LRRIQ3: variants seen among roughly 807,000 people sequenced by gnomAD.
LRRIQ3 encodes leucine-rich repeat and IQ domain-containing protein 3.
A neutral mutation model predicts 59.3 loss-of-function variants in LRRIQ3; 75 were observed. The observed-to-expected ratio is 1.26, with a 90% CI of 1.05 to 1.53. LRRIQ3 has a LOEUF of 1.53. Among genes scored for constraint, LRRIQ3 ranks in the 40% most tolerant of loss-of-function variants. LRRIQ3 has a pLI of 0.00. For missense variants in LRRIQ3, 831 were observed against 710.0 expected (o/e 1.17, Z -1.94); for synonymous variants, 250 against 231.3 (o/e 1.08, Z -0.73).
rs947914199 is a variant in LRRIQ3, at chr1:74,084,088, C to T, written c.868-9298G>A. On this transcript the variant is annotated intron_variant, in intron 5 of 7. Transcript: ENST00000354431. ...TGTGTACAGCTGATATCCCTAGTGT[C>T]CAATCAGAGACAAGTTTTCATCCTG... 1.2e-5 allele frequency: 16 copies of T among 1,317,470 alleles called. No individual in the cohort carries two copies. In the Middle Eastern group the frequency reaches 5.6e-4, roughly 46 times the overall value. 81.6% of individuals were successfully genotyped at this position (1,317,470 alleles called of 1,614,324 possible).
intron 6 of LRRIQ3, among the ~76,000 whole-genome samples, chr1:74,068,351 G>C (rs12731752): frequency 6.6e-6 from 1 of 151,890 alleles, no homozygotes; most frequent in African/African-American, 2.4e-5. Context: ...GGAACATATG[G>C]CCTCTAAGAT....
intron 4 of LRRIQ3, 28 bp downstream of exon 4, chr1:74,155,705 T>C (rs773829565): frequency 2.1e-5 from 32 of 1,538,982 alleles, no homozygotes; most frequent in Non-Finnish European, 2.8e-5. Flanking sequence ...TATTTCAATA[T>C]TCAAATGGTA....
chr1:74,120,618 T>C (rs1251508549), intron 4 of LRRIQ3, among the ~76,000 whole-genome samples: 1 of 152,012 alleles, frequency 6.6e-6, no homozygotes, highest in South Asian at 2.1e-4. Flanking sequence ...TATATAATAA[T>C]CTAATTTCTT....
intron 3 of LRRIQ3, among the ~76,000 whole-genome samples, chr1:74,159,061 C>G (rs148536311): frequency 1.1e-3 from 162 of 152,218 alleles, no homozygotes; most frequent in African/African-American, 3.8e-3. Context: ...TTTCTTCATT[C>G]CACTTCCCCA....
At chr1:74,132,848 G>T (rs1191452563) in intron 4 of LRRIQ3, among the ~76,000 whole-genome samples, 4 of 152,086 alleles carry the variant, frequency 2.6e-5, no homozygotes, top group Non-Finnish European at 5.9e-5. Flanking sequence ...GGCAACAAAA[G>T]CCAAAATTGA....
In LRRIQ3 at chr1:74,030,596, A is replaced by G. The variant is rs922597489; in HGVS notation, c.1719-3627T>C. On this transcript the variant is annotated intron_variant, in intron 7 of 7. Coordinates refer to ENST00000354431, the MANE Select transcript of LRRIQ3 (RefSeq NM_001105659.2). ...AAACTGGATCCCTTCCTTACACCTTATACAAAAATTAATTCAAGATGGATT... is the reference window on the plus strand; with the variant it reads ...AAACTGGATCCCTTCCTTACACCTTGTACAAAAATTAATTCAAGATGGATT... Among the ~76,000 whole-genome samples the G allele has an allele frequency of 1.6e-4, 24 of 152,332 alleles. 1 individual carries two copies. The highest frequency in any genetic ancestry group is 5.3e-4 in the African/African-American group (22 of 41,574).
intron 3 of LRRIQ3, among the ~76,000 whole-genome samples, chr1:74,177,029 A>G (rs1299038489): frequency 2.0e-5 from 3 of 152,156 alleles, no homozygotes; most frequent in Non-Finnish European, 4.4e-5. Flanking sequence ...TTATTTTCTA[A>G]AAGTTATCAG....
chr1:74,055,083 C>T (rs1037542562), intron 6 of LRRIQ3, among the ~76,000 whole-genome samples: 1 of 147,028 alleles, frequency 6.8e-6, no homozygotes, highest in Non-Finnish European at 1.5e-5. Flanking sequence ...TGGGTCTTTG[C>T]CACTTTTTAT....
intron 3 of LRRIQ3, among the ~76,000 whole-genome samples, chr1:74,178,950 C>A (rs1023475408): frequency 2.6e-5 from 4 of 152,026 alleles, no homozygotes; most frequent in African/African-American, 9.7e-5. Flanking sequence ...CTAAAGGTGG[C>A]AGAGCAGGAA....
chr1:74,117,031 G>T (rs752361351), intron 4 of LRRIQ3, among the ~76,000 whole-genome samples: 9 of 151,992 alleles, frequency 5.9e-5, no homozygotes, highest in Non-Finnish European at 8.8e-5. Flanking sequence ...ACAAAGAAAG[G>T]TATATTAAAT....
At chr1:74,135,034 C>T (rs988143103) in intron 4 of LRRIQ3, among the ~76,000 whole-genome samples, 9 of 151,826 alleles carry the variant, frequency 5.9e-5, no homozygotes, top group East Asian at 3.9e-4. Context: ...TTCAGAGATG[C>T]GAATCAGCCA....
Position 74,183,538 on chromosome 1 carries a change from G to T in LRRIQ3, c.147C>A (p.Cys49Ter). Residue 49 changes from cysteine (C) to a stop codon, truncating the protein, a stop_gained, in exon 2 of 8, where the codon TGC becomes TGA. Coordinates refer to ENST00000354431, the MANE Select transcript of LRRIQ3 (RefSeq NM_001105659.2). LOFTEE classifies it high-confidence loss of function. ...AGAAGATGCATACTCTAAGAGAGAT[G>T]CAAGACTGCAAATTTTCCATAGACT... is the stretch of plus-strand genomic sequence containing the variant. ...HLKSMENLQS[C>*]ISLRVCIFSN... 1 of 1,612,100 alleles carries T rather than the reference G, an allele frequency of 6.2e-7. No individual in the cohort carries two copies. The highest frequency in any genetic ancestry group is 8.5e-7 in the Non-Finnish European group (1 of 1,178,890).
intron 7 of LRRIQ3, among the ~76,000 whole-genome samples, chr1:74,031,669 A>G (rs1653722887): frequency 1.3e-5 from 2 of 151,828 alleles, no homozygotes; most frequent in African/African-American, 4.8e-5. Flanking sequence ...GTAAATGAGG[A>G]GTTACTGGGT....
At chr1:74,125,877 T>A (rs1646928279) in intron 4 of LRRIQ3, among the ~76,000 whole-genome samples, 1 of 151,850 alleles carries the variant, frequency 6.6e-6, no homozygotes, top group Non-Finnish European at 1.5e-5. Context: ...AGAATGAGAT[T>A]GGAAGTATTC....
chr1:74,074,752 T>A lies in LRRIQ3; in HGVS notation c.906A>T (p.Glu302Asp), dbSNP rs1367836788. ...AAATAGATGACACATGTTTTCTGTG[T>A]TCACTGGAATTTTTTAAATCAACAG... The part of the protein sequence containing the change: ...YYPVDLKNSS[E>D]HRKHVSSILC... The change falls in exon 6 of 8, where the codon GAA becomes GAT. Residue 302 changes from glutamate (E) to aspartate (D), a missense_variant. Physicochemically the swap from Glu to Asp is conservative, Grantham distance 45. Coordinates refer to ENST00000354431, the MANE Select transcript of LRRIQ3 (RefSeq NM_001105659.2). 3 of 1,420,652 alleles carry A rather than the reference T, an allele frequency of 2.1e-6. No individual in the cohort carries two copies. The highest frequency in any genetic ancestry group is 2.8e-6 in the Non-Finnish European group (3 of 1,053,412). The allele number at this position is 1,420,652 out of a possible 1,614,324, so 88.0% of individuals were successfully genotyped here. A position where few individuals can be genotyped will look rare whatever the true frequency, so the allele number is the denominator to read the frequency against.
At chr1:74,126,342 C>T (rs1275982556) in intron 4 of LRRIQ3, among the ~76,000 whole-genome samples, 2 of 151,832 alleles carry the variant, frequency 1.3e-5, no homozygotes, top group East Asian at 3.9e-4. Flanking sequence ...CACCTCATTT[C>T]AATTTCATTT....
At chr1:74,160,190 T>C (rs1648578355) in intron 3 of LRRIQ3, among the ~76,000 whole-genome samples, 1 of 152,066 alleles carries the variant, frequency 6.6e-6, no homozygotes, top group African/African-American at 2.4e-5. Flanking sequence ...GTCTCCAGCA[T>C]CATTTGACAT....
At chr1:74,105,800 G>A (rs1646604550) in intron 5 of LRRIQ3, among the ~76,000 whole-genome samples, 1 of 151,898 alleles carries the variant, frequency 6.6e-6, no homozygotes, top group African/African-American at 2.4e-5. Flanking sequence ...TTATTTATAG[G>A]AAAAATTAAT....
intron 5 of LRRIQ3, among the ~76,000 whole-genome samples, chr1:74,108,444 A>G (rs1646643227): frequency 6.6e-6 from 1 of 151,800 alleles, no homozygotes; most frequent in Admixed American, 6.6e-5. Flanking sequence ...GTTTTTATTC[A>G]ATGAATAACT....
Sources: allele counts gnomAD v4.1 joint callset (sites outside exome capture counted in the v4.1 genomes callset), GRCh38; gene constraint gnomAD v4.1.1; transcripts MANE v1.5; gene names NCBI Gene and HGNC (gene_info 2026-07-23, HGNC 2026-07-21).